RASGRP3: variants seen among roughly 807,000 people sequenced by gnomAD.
The protein encoded by RASGRP3 is RAS guanyl releasing protein 3, also known as ras guanyl-releasing protein 3.
A neutral mutation model predicts 82.7 loss-of-function variants in RASGRP3; 54 were observed. The ratio of observed to expected loss-of-function variants is 0.65; its 90% CI spans 0.52 to 0.82. The LOEUF (loss-of-function observed/expected upper bound fraction) is 0.82, where lower values mean the gene tolerates loss of function less well. Ranked by LOEUF, RASGRP3 falls within the 40% of genes least tolerant of loss-of-function variation. The pLI, the probability that RASGRP3 is intolerant of heterozygous loss-of-function variation, is 0.00. For missense variants in RASGRP3, 861 were observed against 828.9 expected (o/e 1.04, Z -0.48); for synonymous variants, 309 against 300.5 (o/e 1.03, Z -0.29).
At chr2:33,548,846 G>T (rs1309243512) in intron 13 of RASGRP3, among the ~76,000 whole-genome samples, 1 of 151,920 alleles carries the variant, frequency 6.6e-6, no homozygotes, top group Non-Finnish European at 1.5e-5. Context: ...ACACCACCAC[G>T]TCCAGCTAAT....
At chr2:33,458,235 C>G (rs1043180160) in intron 2 of RASGRP3, 2 of 152,100 alleles carry the variant, frequency 1.3e-5, no homozygotes, top group Non-Finnish European at 2.9e-5. Context: ...TTTAGTGCAC[C>G]AGGGGTGCAC....
intron 15 of RASGRP3, 141 bp downstream of exon 15, chr2:33,555,708 C>A: frequency 1.4e-6 from 1 of 716,230 alleles, no homozygotes; most frequent in South Asian, 1.8e-5. Flanking sequence ...GAATGATTGC[C>A]TCTGAGGAGG....
chr2:33,532,950 A>G (rs1673245297), intron 10 of RASGRP3: 1 of 152,210 alleles, frequency 6.6e-6, no homozygotes, highest in East Asian at 1.9e-4. Flanking sequence ...AGGAAAAGGA[A>G]TCTTTGAAAA....
intron 12 of RASGRP3, among the ~76,000 whole-genome samples, chr2:33,542,340 A>G (rs1278005647): frequency 6.8e-6 from 1 of 146,668 alleles, no homozygotes; most frequent in Non-Finnish European, 1.5e-5. Flanking sequence ...GTAGCTGTGT[A>G]GAATATTTGA....
intron 7 of RASGRP3, among the ~76,000 whole-genome samples, chr2:33,522,524 T>C (rs1043886524): frequency 6.6e-6 from 1 of 152,222 alleles, no homozygotes; most frequent in African/African-American, 2.4e-5. Flanking sequence ...AATTGTAGAC[T>C]TTAAGGAGAA....
intron 15 of RASGRP3, among the ~76,000 whole-genome samples, chr2:33,557,697 G>A (rs1203288856): frequency 6.7e-6 from 1 of 149,268 alleles, no homozygotes; most frequent in Non-Finnish European, 1.5e-5. Context: ...GCAATAGAGC[G>A]AGACTCCATC....
chr2:33,515,281 C>T (rs575745227), intron 3 of RASGRP3, 75 bp downstream of exon 3: 1 of 1,497,324 alleles, frequency 6.7e-7, no homozygotes, highest in South Asian at 1.1e-5. Flanking sequence ...AGGCAAGTTG[C>T]TTGTAGAACA....
intron 2 of RASGRP3, among the ~76,000 whole-genome samples, chr2:33,466,836 A>G (rs1666724397): frequency 6.6e-6 from 1 of 152,234 alleles, no homozygotes; most frequent in African/African-American, 2.4e-5. Flanking sequence ...GAGCAAGTCT[A>G]GGAAAACTTC....
upstream of RASGRP3, among the ~76,000 whole-genome samples, chr2:33,475,671 A>G (rs1226890605): frequency 6.6e-6 from 1 of 152,202 alleles, no homozygotes; most frequent in Non-Finnish European, 1.5e-5. Flanking sequence ...CACTACGTAA[A>G]GTCAGATACT....
At chr2:33,521,817 T>C in intron 6 of RASGRP3, 138 bp from the exon 7 acceptor site, 1 of 1,059,646 alleles carries the variant, frequency 9.4e-7, no homozygotes, top group Non-Finnish European at 1.3e-6. Context: ...GGTTTTCTCT[T>C]CCAATATGAA....
chr2:33,487,294 G>A (rs1202481234), intron 1 of RASGRP3, among the ~76,000 whole-genome samples: 2 of 152,098 alleles, frequency 1.3e-5, no homozygotes, highest in Non-Finnish European at 2.9e-5. Flanking sequence ...ATTTCTGAAG[G>A]CAATAAGGAC....
chr2:33,548,654 T>C (rs1339850484), intron 13 of RASGRP3, among the ~76,000 whole-genome samples: 4 of 152,072 alleles, frequency 2.6e-5, no homozygotes, highest in African/African-American at 9.7e-5. Flanking sequence ...CAAATGCTAA[T>C]GGACAAAGAA....
intron 1 of RASGRP3, among the ~76,000 whole-genome samples, chr2:33,486,592 A>G (rs969440199): frequency 1.3e-5 from 2 of 152,216 alleles, no homozygotes; most frequent in East Asian, 3.8e-4. Flanking sequence ...GGTTACAATA[A>G]TCATCTTACA....
chr2:33,562,796 A>C lies in RASGRP3; in HGVS notation c.*59A>C. Reference sequence around the variant, plus strand: ...GGCTTTTGGAAGGGGCAAGACGAGAAACTCTGAAGAAAGCTCTGACTCTCA... The same window carrying C: ...GGCTTTTGGAAGGGGCAAGACGAGACACTCTGAAGAAAGCTCTGACTCTCA... On this transcript the variant is annotated 3_prime_UTR_variant, in exon 18 of 18. Transcript: ENST00000403687. 1 of 1,580,022 alleles carries C rather than the reference A, an allele frequency of 6.3e-7. No individual in the cohort carries two copies. Among genetic ancestry groups the C allele is most frequent in the South Asian group, 1.1e-5 (1 of 89,960 alleles).
intron 4 of RASGRP3, among the ~76,000 whole-genome samples, chr2:33,518,688 C>G (rs1671690376): frequency 6.6e-6 from 1 of 151,946 alleles, no homozygotes; most frequent in African/African-American, 2.4e-5. Context: ...TATCTTTATT[C>G]TACAAACTTA....
chr2:33,555,513 C>G lies in RASGRP3; in HGVS notation c.1543-18C>G. 1.3e-6 allele frequency: 2 copies of G among 1,587,890 alleles called. No individual in the cohort carries two copies. Among genetic ancestry groups the G allele is most frequent in the Non-Finnish European group, 1.7e-6 (2 of 1,160,558 alleles). On this transcript the variant is annotated intron_variant, in intron 14 of 17. Coordinates refer to ENST00000403687, the MANE Select transcript of RASGRP3 (RefSeq NM_001139488.2). The stretch of plus-strand genomic sequence containing the variant: ...TCTATCCTCAGATTCCCTGACATTC[C>G]TTTGTCTTTTGTTACAGCTCTGGGG...
intron 4 of RASGRP3, among the ~76,000 whole-genome samples, chr2:33,518,648 C>CA (rs539123111): frequency 6.6e-6 from 1 of 152,122 alleles, no homozygotes; most frequent in Non-Finnish European, 1.5e-5. Flanking sequence ...AAATATATTG[C>CA]ACTGCTGTAA....
At chr2:33,536,852 G>A (rs1406617005) in intron 11 of RASGRP3, among the ~76,000 whole-genome samples, 2 of 152,152 alleles carry the variant, frequency 1.3e-5, no homozygotes, top group Admixed American at 6.5e-5. Flanking sequence ...AGTGGGTGCC[G>A]GCGTGGGGGC....
At chr2:33,505,047 A>T (rs1474783557) in intron 1 of RASGRP3, among the ~76,000 whole-genome samples, 1 of 152,142 alleles carries the variant, frequency 6.6e-6, no homozygotes, top group African/African-American at 2.4e-5. Flanking sequence ...CTGGCCTCCC[A>T]GAGTTTGTTG....
Sources: gnomAD v4.1 joint callset for allele counts (sites outside exome capture counted in the v4.1 genomes callset) on GRCh38, gnomAD v4.1.1 for gene constraint, MANE v1.5 for transcripts, NCBI Gene and HGNC (gene_info 2026-07-23, HGNC 2026-07-21) for gene names.